Variants in ZNF681 observed in about 807,000 individuals in gnomAD.
The protein encoded by ZNF681 is hypothetical protein FLJ31526.
In ZNF681, 37 loss-of-function variants were observed where a neutral mutation model predicts 56.0. The ratio of observed to expected loss-of-function variants is 0.66; its 90% confidence interval spans 0.51 to 0.87. The LOEUF (loss-of-function observed/expected upper bound fraction) is 0.87. Ranked by LOEUF, ZNF681 falls within the 40% of genes least tolerant of loss-of-function variation. The probability of loss-of-function intolerance (pLI) is 0.00; values close to 1 mark genes in which losing one functional copy is unlikely to be tolerated. For missense variants in ZNF681, 741 were observed against 744.9 expected (o/e 0.99, Z 0.06); for synonymous variants, 225 against 248.6 (o/e 0.91, Z 0.89).
At position 23,740,389 on chromosome 19, in the gene ZNF681, A is replaced by C. The variant is rs533714190; in HGVS notation, c.*3223T>G. The stretch of plus-strand genomic sequence containing the variant: ...ACATAATAAGACAAACAAAACTAAG[A>C]CAATTAGGAAATAAAAGAAGCACAA... On this transcript the variant is annotated 3_prime_UTR_variant, in exon 4 of 4. Transcript: ENST00000402377. 2.0e-5 allele frequency: 3 copies of C among 152,286 alleles called. No homozygotes were observed. In the South Asian group the frequency reaches 6.2e-4, roughly 32 times the overall value. 9.4% of individuals were successfully genotyped at this position (152,286 alleles called of 1,614,324 possible).
chr19:23,754,019 GA>G (rs138757972), intron 3 of ZNF681, among the ~76,000 whole-genome samples: 48 of 142,488 alleles, frequency 3.4e-4, no homozygotes, highest in African/African-American at 8.8e-4. Flanking sequence ...GCAATCTTGA[GA>G]AAAAAAAAAC....
intron 3 of ZNF681, 77 bp from the exon 4 acceptor site, chr19:23,745,400 T>C (rs1968930756): frequency 1.7e-6 from 2 of 1,188,484 alleles, no homozygotes; most frequent in South Asian, 4.7e-5. Flanking sequence ...CCTATACAAT[T>C]ATACAAATTA....
In ZNF681 at chr19:23,741,061, T is replaced by A. The variant is rs140292409; in HGVS notation, c.*2551A>T. The A allele has an allele frequency of 1.3e-5, 2 of 152,146 alleles. No individual in the cohort carries two copies. The highest frequency in any genetic ancestry group is 2.9e-5 in the Non-Finnish European group (2 of 68,036). The allele number at this position is 152,146 out of a possible 1,614,324, so 9.4% of individuals were successfully genotyped here. On this transcript the variant is annotated 3_prime_UTR_variant, in exon 4 of 4. Transcript: ENST00000402377. ...AGTATGGATTTGTTTTCAGCATTTTTAAGTTTTTTTAGTTTTGCAGTCATC... is the reference window on the plus strand; with the variant it reads ...AGTATGGATTTGTTTTCAGCATTTTAAAGTTTTTTTAGTTTTGCAGTCATC...
rs931328424 is a variant in ZNF681 at position 23,743,475 on chromosome 19, C to G, written c.*137G>C. On this transcript the variant is annotated 3_prime_UTR_variant, in exon 4 of 4. Coordinates refer to ENST00000402377, the MANE Select transcript of ZNF681 (RefSeq NM_138286.3). ...AATTTTTTTCTAGTACAAATGCTTT[C>G]CTGTGCAATAAGGTGTGAGCATTGG... The G allele has an allele frequency of 2.7e-6, 2 of 741,842 alleles. No individual in the cohort carries two copies. Among genetic ancestry groups the G allele is most frequent in the African/African-American group, 3.6e-5 (2 of 55,268 alleles). The allele number at this position is 741,842 out of a possible 1,614,324, so 46.0% of individuals were successfully genotyped here.
chr19:23,743,903 A>G lies in ZNF681; in HGVS notation c.1647T>C (p.Leu549=), dbSNP rs112083807. Residue 549 remains leucine, a synonymous_variant, in exon 4 of 4, where the codon CTT becomes CTC. Transcript: ENST00000402377. ...CAGTATGAATTACCTTATGTGTAGC[A>G]AGATGTGAGGAATGGTTAAAGGCTT... ...CGKAFNHSSH[L]ATHKVIHTGE... 9.6e-4 allele frequency: 1,538 copies of G among 1,601,452 alleles called. 1 individual carries two copies. The highest frequency in any genetic ancestry group is 1.3e-3 in the Non-Finnish European group (1,468 of 1,170,992).
At chr19:23,755,393 T>C in intron 2 of ZNF681, 32 bp downstream of exon 2, 1 of 1,592,816 alleles carries the variant, frequency 6.3e-7, no homozygotes, top group Non-Finnish European at 8.5e-7. Flanking sequence ...CTTTAGGGTA[T>C]AATAGGAATT....
intron 1 of ZNF681, among the ~76,000 whole-genome samples, chr19:23,756,878 A>G (rs970291832): frequency 6.7e-6 from 1 of 149,838 alleles, no homozygotes; most frequent in African/African-American, 2.4e-5. Flanking sequence ...ACAAAAATTT[A>G]TTTTTTTTTT....
rs543743392 is a variant in ZNF681 at position 23,744,585 on chromosome 19, G to A, written c.965C>T (p.Ser322Phe). ...YKECGKAFNQ[S>F]SHLTRHKIIH... ...TATCTTATGTCTGGTAAGGTGTGAG[G>A]ACTGGTTGAAAGCTTTGCCACATTC... The change falls in exon 4 of 4, where the codon TCC (serine) becomes TTC (phenylalanine). Residue 322 changes from serine (S) to phenylalanine (F), a missense_variant. Ser to Phe is a radical substitution (Grantham distance 155). Coordinates refer to ENST00000402377, the MANE Select transcript of ZNF681 (RefSeq NM_138286.3). 1 of 1,614,052 alleles carries A rather than the reference G, an allele frequency of 6.2e-7. No homozygotes were observed. The highest frequency in any genetic ancestry group is 8.5e-7 in the Non-Finnish European group (1 of 1,179,978).
chr19:23,746,068 A>G (rs1423442174), intron 3 of ZNF681, among the ~76,000 whole-genome samples: 1 of 152,154 alleles, frequency 6.6e-6, no homozygotes, highest in Non-Finnish European at 1.5e-5. Context: ...TAATCACAGC[A>G]CTTTGGGAGG....
At chr19:23,751,342 G>A (rs1342693836) in intron 3 of ZNF681, among the ~76,000 whole-genome samples, 1 of 151,586 alleles carries the variant, frequency 6.6e-6, no homozygotes. Flanking sequence ...TGGGCGTTTT[G>A]GCACATGGCT....
intron 1 of ZNF681, among the ~76,000 whole-genome samples, chr19:23,756,040 T>C (rs1022930235): frequency 3.3e-5 from 5 of 152,184 alleles, no homozygotes; most frequent in Admixed American, 3.3e-4. Context: ...TAAAGACACA[T>C]ATGTGGCTGG....
intron 3 of ZNF681, among the ~76,000 whole-genome samples, chr19:23,748,036 A>G (rs1172625599): frequency 6.6e-6 from 1 of 152,128 alleles, no homozygotes; most frequent in East Asian, 1.9e-4. Context: ...ACATATAAAA[A>G]TAACTAATAA....
intron 1 of ZNF681, 32 bp downstream of exon 1, chr19:23,758,715 C>T (rs748294489): frequency 1.2e-6 from 2 of 1,614,200 alleles, no homozygotes; most frequent in Non-Finnish European, 1.7e-6. Flanking sequence ...GCCCCTTCCC[C>T]TCTCTCGGGA....
chr19:23,758,397 A>G (rs1262470548), intron 1 of ZNF681, among the ~76,000 whole-genome samples: 1 of 152,194 alleles, frequency 6.6e-6, no homozygotes. Flanking sequence ...GGAAAGAGAG[A>G]CTAGGAACGC....
intron 3 of ZNF681, among the ~76,000 whole-genome samples, chr19:23,751,129 C>CA (rs34706305): frequency 0.25 from 14,245 of 56,180 alleles, 1,566 homozygotes; most frequent in East Asian, 0.57. Context: ...AACTCCATCT[C>CA]AAAAAAAAAA....
rs1300669570 is a variant in ZNF681, at chr19:23,744,986, A to G, written c.564T>C (p.His188=). The stretch of plus-strand genomic sequence containing the variant: ...AATTTACTCTAGTACAAATTATTTT[A>G]TGTTGAGTTAGGTTTGAAAATATGC... The part of the protein sequence containing the change: ...SFCIFSNLTQ[H]KIICTRVNFY... The change falls in exon 4 of 4, where the codon CAT becomes CAC. Residue 188 remains histidine, a synonymous_variant. Coordinates refer to ENST00000402377, the MANE Select transcript of ZNF681 (RefSeq NM_138286.3). 2 of 1,599,358 alleles carry G rather than the reference A, an allele frequency of 1.3e-6. No homozygotes were observed. Among genetic ancestry groups the G allele is most frequent in the South Asian group, 2.3e-5 (2 of 88,188 alleles).
chr19:23,758,717 CT>C (rs1568313566), intron 1 of ZNF681, 29 bp downstream of exon 1: 4 of 1,614,214 alleles, frequency 2.5e-6, no homozygotes, highest in Non-Finnish European at 3.4e-6. Context: ...CCCTTCCCCT[CT>C]CTCGGGATGT....
chr19:23,744,259 A>G lies in ZNF681; in HGVS notation c.1291T>C (p.Ser431Pro). 6.2e-7 allele frequency: 1 copy of G among 1,613,626 alleles called. No individual in the cohort carries two copies. Among genetic ancestry groups the G allele is most frequent in the Non-Finnish European group, 8.5e-7 (1 of 1,179,822 alleles). The stretch of plus-strand genomic sequence containing the variant: ...TCAGTAAGGTTTGAGGATTGGTTAG[A>G]AGCTTTGCCACATTTTTCACACTGG... ...PYQCEKCGKASNQSSNLTEHK... is the reference protein window; with the variant it reads ...PYQCEKCGKAPNQSSNLTEHK... Residue 431 changes from serine to proline, a missense_variant, in exon 4 of 4, where the codon TCT (serine) becomes CCT (proline). Coordinates refer to ENST00000402377, the MANE Select transcript of ZNF681 (RefSeq NM_138286.3).
rs1968925627 is a variant in ZNF681 at position 23,745,061 on chromosome 19, T to C, written c.489A>G (p.Arg163=). ...ATTTAAAAGGTTTTTTTCTGGTGTG[T>C]CTTACCTTATGTCCATTTAAATTTG... is the stretch of plus-strand genomic sequence containing the variant. ...KFSNLNGHKV[R]HTRKKPFKYK... Residue 163 remains arginine, a synonymous_variant, in exon 4 of 4, where the codon AGA becomes AGG. Transcript: ENST00000402377. The C allele has an allele frequency of 3.8e-6, 6 of 1,598,596 alleles. No individual in the cohort carries two copies. Among genetic ancestry groups the C allele is most frequent in the Non-Finnish European group, 5.1e-6 (6 of 1,171,040 alleles).
Sources: gnomAD v4.1 joint callset for allele counts (sites outside exome capture counted in the v4.1 genomes callset) on GRCh38, gnomAD v4.1.1 for gene constraint, MANE v1.5 for transcripts, NCBI Gene and HGNC (gene_info 2026-07-23, HGNC 2026-07-21) for gene names.